ATCAY: variants seen among roughly 807,000 people sequenced by gnomAD.
ATCAY encodes the protein caytaxin.
In ATCAY, 22 loss-of-function variants were observed where a neutral mutation model predicts 47.7. That is an observed-to-expected ratio of 0.46 (90% CI 0.33 to 0.66). ATCAY has a LOEUF of 0.66. Ranked by LOEUF, ATCAY falls within the 30% of genes least tolerant of loss-of-function variation. ATCAY has a pLI of 0.02. For missense variants in ATCAY, 452 were observed against 515.0 expected (o/e 0.88, Z 1.18); for synonymous variants, 216 against 207.6 (o/e 1.04, Z -0.35).
chr19:3,889,269 C>T (rs974650051), intron 2 of ATCAY, among the ~76,000 whole-genome samples: 8 of 152,058 alleles, frequency 5.3e-5, no homozygotes, highest in African/African-American at 1.2e-4. Context: ...CAAAATTAGC[C>T]GGGCGTGGTG....
chr19:3,915,596 G>A (rs2038959942), intron 9 of ATCAY, among the ~76,000 whole-genome samples: 5 of 149,668 alleles, frequency 3.3e-5, no homozygotes, highest in Admixed American at 2.7e-4. Flanking sequence ...CTGTTGCCCA[G>A]GCTGGAGTGC....
intron 12 of ATCAY, among the ~76,000 whole-genome samples, chr19:3,921,512 C>T (rs1246039292): frequency 6.6e-6 from 1 of 152,062 alleles, no homozygotes; most frequent in East Asian, 1.9e-4. Context: ...CAATGGTTTG[C>T]CAGAAGGACT....
At chr19:3,885,906 A>G in intron 2 of ATCAY, 62 bp downstream of exon 2, 1 of 1,515,274 alleles carries the variant, frequency 6.6e-7, no homozygotes, top group Non-Finnish European at 9.0e-7. Context: ...CAGGTGGGAC[A>G]CAGGAGCGGC....
Position 3,908,282 on chromosome 19 carries a change from G to A in ATCAY, c.559G>A (p.Gly187Ser). 6.3e-7 allele frequency: 1 copy of A among 1,579,474 alleles called. No homozygotes were observed. The highest frequency in any genetic ancestry group is 2.3e-5 in the East Asian group (1 of 43,008). Residue 187 changes from glycine to serine, a missense_variant, in exon 6 of 13, where the codon GGC (glycine) becomes AGC (serine). Coordinates refer to ENST00000450849, the MANE Select transcript of ATCAY (RefSeq NM_033064.5). The part of the protein sequence containing the change: ...VVTHGGYYGE[G>S]LNAIIVFAAC... The stretch of plus-strand genomic sequence containing the variant: ...CCTCTCCTCAGGGTACTACGGCGAA[G>A]GCCTCAACGCCATCATCGTCTTCGC...
chr19:3,913,993 T>G, intron 9 of ATCAY, 137 bp downstream of exon 9: 1 of 689,494 alleles, frequency 1.5e-6, no homozygotes, highest in Non-Finnish European at 2.5e-6. Flanking sequence ...TCCCAGCACT[T>G]TGGGAGGCTG....
chr19:3,908,815 CCT>C (rs1276357822), intron 6 of ATCAY, among the ~76,000 whole-genome samples: 1 of 95,814 alleles, frequency 1.0e-5, no homozygotes, highest in Non-Finnish European at 2.2e-5. Flanking sequence ...TCCACCTCAT[CCT>C]CTTTCTCTTC....
chr19:3,922,107 A>C, intron 12 of ATCAY: 2 of 701,614 alleles, frequency 2.9e-6, no homozygotes, highest in Non-Finnish European at 5.2e-6. Flanking sequence ...CAGGGTGTTT[A>C]TAGAGAGTCA....
At chr19:3,887,013 T>C (rs1402715783) in intron 2 of ATCAY, among the ~76,000 whole-genome samples, 1 of 152,068 alleles carries the variant, frequency 6.6e-6, no homozygotes, top group Non-Finnish European at 1.5e-5. Context: ...GGACATCTTG[T>C]CTACACTCTG....
intron 3 of ATCAY, among the ~76,000 whole-genome samples, chr19:3,903,868 G>A (rs551274965): frequency 3.3e-5 from 5 of 150,800 alleles, no homozygotes; most frequent in South Asian, 4.2e-4. Flanking sequence ...GCAGGTCACC[G>A]TGGCTCACGC....
At chr19:3,900,212 G>A (rs1337889452) in intron 2 of ATCAY, among the ~76,000 whole-genome samples, 1 of 147,586 alleles carries the variant, frequency 6.8e-6, no homozygotes, top group Non-Finnish European at 1.5e-5. Context: ...TTTTTTAAGA[G>A]ACAGGGTCTC....
chr19:3,899,210 A>G (rs1470810491), intron 2 of ATCAY, among the ~76,000 whole-genome samples: 1 of 151,594 alleles, frequency 6.6e-6, no homozygotes, highest in Non-Finnish European at 1.5e-5. Context: ...TAGAGAAAAG[A>G]GAGGGAGGGA....
At chr19:3,909,747 G>T in intron 7 of ATCAY, 130 bp downstream of exon 7, 1 of 1,318,554 alleles carries the variant, frequency 7.6e-7, no homozygotes, top group Non-Finnish European at 1.0e-6. Context: ...GAGCCCAGGA[G>T]TTTGAGACCA....
chr19:3,894,625 CAAA>C (rs56732320), intron 2 of ATCAY, among the ~76,000 whole-genome samples: 1,337 of 75,146 alleles, frequency 0.018, 27 homozygotes, highest in African/African-American at 0.063. Flanking sequence ...CCTGTGTCTG[CAAA>C]AAAAAAAAAA....
chr19:3,902,777 C>G (rs961331935), intron 3 of ATCAY, among the ~76,000 whole-genome samples: 12 of 152,188 alleles, frequency 7.9e-5, no homozygotes, highest in African/African-American at 2.9e-4. Context: ...GTCACTCAGC[C>G]TCTCTGTGCC....
At chr19:3,901,722 C>A (rs1294447583) in intron 2 of ATCAY, among the ~76,000 whole-genome samples, 1 of 152,110 alleles carries the variant, frequency 6.6e-6, no homozygotes, top group Non-Finnish European at 1.5e-5. Context: ...GCTGGGCGGG[C>A]GCGGTGGCTC....
intron 2 of ATCAY, among the ~76,000 whole-genome samples, chr19:3,892,398 A>C (rs1213560452): frequency 6.6e-6 from 1 of 151,844 alleles, no homozygotes; most frequent in Non-Finnish European, 1.5e-5. Flanking sequence ...ACAGGGTCTC[A>C]CTGTGTTGCC....
chr19:3,918,772 G>C (rs1456753378), intron 10 of ATCAY, 34 bp from the exon 11 acceptor site: 8 of 1,613,390 alleles, frequency 5.0e-6, no homozygotes, highest in Non-Finnish European at 6.8e-6. Flanking sequence ...GGCTGGGCTA[G>C]TCACCCTTGT....
intron 8 of ATCAY, among the ~76,000 whole-genome samples, chr19:3,911,746 T>C (rs1032937518): frequency 3.9e-5 from 6 of 152,088 alleles, no homozygotes; most frequent in African/African-American, 1.2e-4. Context: ...ATGCAAAACA[T>C]TGAATTGAAT....
At chr19:3,921,554 G>C (rs1477262076) in intron 12 of ATCAY, among the ~76,000 whole-genome samples, 1 of 152,162 alleles carries the variant, frequency 6.6e-6, no homozygotes, top group East Asian at 1.9e-4. Flanking sequence ...CATACTCACA[G>C]TTATGGTTTA....
Sources: allele counts gnomAD v4.1 joint callset (sites outside exome capture counted in the v4.1 genomes callset), GRCh38; gene constraint gnomAD v4.1.1; transcripts MANE v1.5; gene names NCBI Gene and HGNC (gene_info 2026-07-23, HGNC 2026-07-21).